Variants in ZMYM4 observed in about 807,000 individuals in gnomAD.
The protein encoded by ZMYM4 is zinc finger MYM-type containing 4, also known as zinc finger MYM-type protein 4.
In ZMYM4, 31 loss-of-function variants were observed where a neutral mutation model predicts 183.2. The observed-to-expected ratio is 0.17, with a 90% CI of 0.13 to 0.23. The LOEUF is 0.23. ZMYM4 is among the 10% of genes least tolerant of loss of function. The probability of loss-of-function intolerance (pLI) is 1.00; values close to 1 mark genes in which losing one functional copy is unlikely to be tolerated. For missense variants in ZMYM4, 1,273 were observed against 1,840.3 expected, an observed-to-expected ratio of 0.69 and a Z score of 5.64; for synonymous variants, 592 against 631.2, an observed-to-expected ratio of 0.94 and a Z score of 0.93.
chr1:35,322,361 C>CT (rs1479855326), intron 1 of ZMYM4, among the ~76,000 whole-genome samples: 1 of 152,020 alleles, frequency 6.6e-6, no homozygotes, highest in African/African-American at 2.4e-5. Context: ...ACTTTAAAAT[C>CT]TTTTTCATGA....
intron 17 of ZMYM4, 111 bp downstream of exon 17, chr1:35,392,795 TTCATTAGC>T (rs1644734995): frequency 4.1e-6 from 3 of 733,494 alleles, no homozygotes; most frequent in Non-Finnish European, 6.4e-6. Context: ...TGAAATAGAT[TTCATTAGC>T]TCATTTAATC....
intron 2 of ZMYM4, among the ~76,000 whole-genome samples, chr1:35,334,132 A>G (rs1322020288): frequency 1.3e-5 from 2 of 151,942 alleles, no homozygotes; most frequent in Admixed American, 6.6e-5. Flanking sequence ...CCTGGGCAAC[A>G]TGGCGAAACT....
At chr1:35,368,977 C>A (rs1267220861) in intron 5 of ZMYM4, among the ~76,000 whole-genome samples, 1 of 151,998 alleles carries the variant, frequency 6.6e-6, no homozygotes, top group South Asian at 2.1e-4. Flanking sequence ...GTTTTTGGTG[C>A]CCCCTTAATT....
intron 23 of ZMYM4, among the ~76,000 whole-genome samples, chr1:35,401,341 T>C (rs1344088354): frequency 6.6e-6 from 1 of 152,262 alleles, no homozygotes; most frequent in Non-Finnish European, 1.5e-5. Context: ...TGTATAGTGG[T>C]ACCTCATTAT....
At chr1:35,373,408 C>T (rs1342529000) in intron 7 of ZMYM4, among the ~76,000 whole-genome samples, 5 of 149,184 alleles carry the variant, frequency 3.4e-5, no homozygotes, top group African/African-American at 7.4e-5. Flanking sequence ...CGAGTCTCGC[C>T]GCTCTGTCGC....
At chr1:35,401,192 A>G (rs1277007541) in intron 23 of ZMYM4, among the ~76,000 whole-genome samples, 3 of 152,232 alleles carry the variant, frequency 2.0e-5, no homozygotes, top group Non-Finnish European at 4.4e-5. Context: ...TTAACTTTGT[A>G]AGAAAGCTGC....
At chr1:35,402,117 A>T (rs948051956) in intron 23 of ZMYM4, among the ~76,000 whole-genome samples, 14 of 111,004 alleles carry the variant, frequency 1.3e-4, no homozygotes, top group Admixed American at 2.9e-4. Context: ...CAATTTCTTT[A>T]AAAAAAAAAA....
intron 27 of ZMYM4, among the ~76,000 whole-genome samples, chr1:35,415,115 G>T (rs1640061720): frequency 6.6e-6 from 1 of 152,158 alleles, no homozygotes; most frequent in East Asian, 1.9e-4. Context: ...GCCTGTTTAT[G>T]TGTTCTCTAC....
At chr1:35,300,017 G>C (rs925640618) in intron 1 of ZMYM4, among the ~76,000 whole-genome samples, 2 of 151,988 alleles carry the variant, frequency 1.3e-5, no homozygotes, top group African/African-American at 4.8e-5. Context: ...GGATGGTCTC[G>C]ATCTCCTGAC....
In ZMYM4 at chr1:35,395,963, T is replaced by G. The variant is rs560545877; in HGVS notation, c.2912-589T>G. The stretch of plus-strand genomic sequence containing the variant: ...TTTTTCCAAGTTCTGTTTCATCCTT[T>G]TAATACTTAGAACATCTGCTATATA... On this transcript the variant is annotated intron_variant, in intron 18 of 29. Coordinates refer to ENST00000314607, the MANE Select transcript of ZMYM4 (RefSeq NM_005095.3). Among the ~76,000 whole-genome samples, 3 of 152,352 alleles carry G rather than the reference T, an allele frequency of 2.0e-5. No homozygotes were observed. The South Asian group carries it at 6.2e-4, about 32-fold the overall frequency.
chr1:35,290,284 T>C (rs999270417), intron 1 of ZMYM4, among the ~76,000 whole-genome samples: 1 of 152,224 alleles, frequency 6.6e-6, no homozygotes, highest in African/African-American at 2.4e-5. Context: ...TCCAGTTTTC[T>C]TGTCTTTTTA....
intron 1 of ZMYM4, among the ~76,000 whole-genome samples, chr1:35,296,976 A>C (rs1233964837): frequency 6.7e-6 from 1 of 148,974 alleles, no homozygotes; most frequent in African/African-American, 2.5e-5. Context: ...CAGCCTCCTG[A>C]GTAGCTAGGA....
chr1:35,268,858 C>G lies in ZMYM4; in HGVS notation c.-189C>G. Reference sequence around the variant, plus strand: ...AGGCCCTCCCGCCCACGCGCGGACCCGTGGGATCTCAGAAGCTGCGGCCCG... The same window carrying G: ...AGGCCCTCCCGCCCACGCGCGGACCGGTGGGATCTCAGAAGCTGCGGCCCG... On this transcript the variant is annotated 5_prime_UTR_variant, in exon 1 of 30. Transcript: ENST00000314607. 1.9e-6 allele frequency: 1 copy of G among 520,174 alleles called. No homozygotes were observed. The highest frequency in any genetic ancestry group is 4.0e-5 in the East Asian group (1 of 24,938). 32.2% of individuals were successfully genotyped at this position (520,174 alleles called of 1,614,324 possible).
At chr1:35,286,988 C>A (rs988472933) in intron 1 of ZMYM4, among the ~76,000 whole-genome samples, 5 of 151,360 alleles carry the variant, frequency 3.3e-5, no homozygotes, top group African/African-American at 1.2e-4. Context: ...ATCTAATAAT[C>A]ACCAAATCTA....
intron 2 of ZMYM4, chr1:35,351,223 G>A: frequency 6.8e-7 from 1 of 1,466,648 alleles, no homozygotes; most frequent in Non-Finnish European, 9.5e-7. Flanking sequence ...GCTGTGGATG[G>A]AGGCTTGTCT....
chr1:35,415,434 G>A (rs780624045), intron 27 of ZMYM4, 32 bp from the exon 28 acceptor site: 21 of 1,613,552 alleles, frequency 1.3e-5, no homozygotes, highest in Non-Finnish European at 1.7e-5. Context: ...CAGGAGCTCA[G>A]TACTGTTTCT....
At chr1:35,312,867 G>A (rs1193967058) in intron 1 of ZMYM4, among the ~76,000 whole-genome samples, 1 of 151,922 alleles carries the variant, frequency 6.6e-6, no homozygotes, top group Non-Finnish European at 1.5e-5. Context: ...ACAGGTGTTT[G>A]CCACCATACC....
chr1:35,282,041 T>C (rs1036561155), intron 1 of ZMYM4, among the ~76,000 whole-genome samples: 11 of 152,252 alleles, frequency 7.2e-5, no homozygotes, highest in Non-Finnish European at 1.2e-4. Context: ...ACATTTTGTT[T>C]ATCCATTCAT....
chr1:35,343,112 A>G (rs558392269), intron 2 of ZMYM4, among the ~76,000 whole-genome samples: 1 of 152,244 alleles, frequency 6.6e-6, no homozygotes, highest in East Asian at 1.9e-4. Context: ...CCATCCATCC[A>G]TCCATCTATG....
Sources: gnomAD v4.1 joint callset for allele counts (sites outside exome capture counted in the v4.1 genomes callset) on GRCh38, gnomAD v4.1.1 for gene constraint, MANE v1.5 for transcripts, NCBI Gene and HGNC (gene_info 2026-07-23, HGNC 2026-07-21) for gene names.